EYS: variants seen among roughly 807,000 people sequenced by gnomAD.
The protein encoded by EYS is EGF-like photoreceptor maintenance factor.
A neutral mutation model predicts 282.1 loss-of-function variants in EYS; 250 were observed. The ratio of observed to expected loss-of-function variants is 0.89; its 90% CI spans 0.80 to 0.98. EYS has a LOEUF of 0.98. Ranked by LOEUF, EYS falls within the 50% of genes least tolerant of loss-of-function variation. The pLI, the probability that EYS is intolerant of heterozygous loss-of-function variation, is 0.00. For synonymous variants in EYS, 1,355 were observed against 1,282.9 expected (o/e 1.06, Z -1.20); for missense variants, 4,016 against 3,709.0 (o/e 1.08, Z -2.15).
intron 29 of EYS, among the ~76,000 whole-genome samples, chr6:64,384,594 A>G (rs776910993): frequency 1.8e-4 from 27 of 152,146 alleles, no homozygotes; most frequent in Non-Finnish European, 3.2e-4. Flanking sequence ...TAACATCTGC[A>G]TTTACTAGGA....
chr6:64,360,457 C>T (rs1771966726), intron 29 of EYS, among the ~76,000 whole-genome samples: 1 of 151,664 alleles, frequency 6.6e-6, no homozygotes. Flanking sequence ...TCATGACCTA[C>T]CTCTTGGGCT....
chr6:63,737,556 G>A (rs905080203), intron 41 of EYS, among the ~76,000 whole-genome samples: 1 of 151,870 alleles, frequency 6.6e-6, no homozygotes, highest in Non-Finnish European at 1.5e-5. Context: ...TCTCTTTTTT[G>A]GTTGTGTCCC....
chr6:64,439,000 T>A (rs540141122), intron 27 of EYS, among the ~76,000 whole-genome samples, 162 bp downstream of exon 27: 1 of 151,812 alleles, frequency 6.6e-6, no homozygotes, highest in East Asian at 1.9e-4. Flanking sequence ...TGTTGGTTCA[T>A]ATATACATAG....
intron 12 of EYS, among the ~76,000 whole-genome samples, chr6:65,226,685 T>C (rs1163032507): frequency 1.3e-5 from 2 of 152,196 alleles, no homozygotes; most frequent in Non-Finnish European, 1.5e-5. Flanking sequence ...AAGTATGAAA[T>C]AGCGAGACCG....
chr6:65,171,505 T>C (rs922603627), intron 12 of EYS, among the ~76,000 whole-genome samples: 1 of 151,082 alleles, frequency 6.6e-6, no homozygotes, highest in Non-Finnish European at 1.5e-5. Flanking sequence ...GAATTTCAAA[T>C]GTAAGACCCA....
chr6:65,420,588 C>G (rs1767416916), intron 5 of EYS, among the ~76,000 whole-genome samples: 2 of 148,174 alleles, frequency 1.3e-5, no homozygotes, highest in Admixed American at 6.7e-5. Flanking sequence ...TAATGAATCA[C>G]AAATATTCTT....
At chr6:65,504,907 G>A (rs1418885407) in intron 2 of EYS, among the ~76,000 whole-genome samples, 1 of 151,606 alleles carries the variant, frequency 6.6e-6, no homozygotes, top group Non-Finnish European at 1.5e-5. Context: ...TTGGAATTAG[G>A]GTAATGCTAG....
At chr6:65,533,103 T>A (rs1029119057) in intron 2 of EYS, among the ~76,000 whole-genome samples, 1 of 151,734 alleles carries the variant, frequency 6.6e-6, no homozygotes, top group African/African-American at 2.4e-5. Flanking sequence ...TATTTGTGTG[T>A]AATTTATTGC....
intron 7 of EYS, among the ~76,000 whole-genome samples, chr6:65,389,556 G>T (rs1356301356): frequency 6.6e-6 from 1 of 152,114 alleles, no homozygotes; most frequent in Non-Finnish European, 1.5e-5. Flanking sequence ...TTCCAGCTGA[G>T]AATTTGGCTT....
intron 5 of EYS, among the ~76,000 whole-genome samples, chr6:65,422,081 T>C (rs1355011142): frequency 6.6e-6 from 1 of 151,890 alleles, no homozygotes; most frequent in East Asian, 1.9e-4. Context: ...AACTTTCAAT[T>C]TGTAGAAATT....
chr6:65,465,636 A>C (rs1351501859), intron 5 of EYS, among the ~76,000 whole-genome samples: 1 of 152,188 alleles, frequency 6.6e-6, no homozygotes, highest in African/African-American at 2.4e-5. Context: ...CGTTGAGATA[A>C]ATAAATATAT....
intron 22 of EYS, among the ~76,000 whole-genome samples, chr6:64,628,479 G>A (rs143779482): frequency 1.0e-3 from 155 of 152,114 alleles, no homozygotes; most frequent in African/African-American, 3.5e-3. Flanking sequence ...GCAGTGGCCC[G>A]ATTATAGCTC....
intron 22 of EYS, among the ~76,000 whole-genome samples, chr6:64,645,533 C>A (rs903910429): frequency 6.6e-6 from 1 of 152,128 alleles, no homozygotes; most frequent in African/African-American, 2.4e-5. Context: ...TGACATCAGA[C>A]GGCGTGGAGA....
chr6:65,691,617 T>C (rs1562331416), intron 1 of EYS, among the ~76,000 whole-genome samples: 1 of 150,510 alleles, frequency 6.6e-6, no homozygotes, highest in Non-Finnish European at 1.5e-5. Flanking sequence ...TTGGCTTTTG[T>C]TGCCATTGCT....
chr6:64,832,333 T>C (rs1347388734), intron 19 of EYS, among the ~76,000 whole-genome samples: 1 of 151,612 alleles, frequency 6.6e-6, no homozygotes, highest in Non-Finnish European at 1.5e-5. Context: ...GTTTAGTTCC[T>C]AGGTTCTGTT....
intron 30 of EYS, among the ~76,000 whole-genome samples, chr6:64,280,224 A>G (rs1768257112): frequency 6.6e-6 from 1 of 152,192 alleles, no homozygotes; most frequent in South Asian, 2.1e-4. Flanking sequence ...TAAATGTATT[A>G]TCTAGTGTAA....
At chr6:64,354,257 T>C (rs542907176) in intron 29 of EYS, among the ~76,000 whole-genome samples, 2 of 151,756 alleles carry the variant, frequency 1.3e-5, no homozygotes, top group Non-Finnish European at 3.0e-5. Flanking sequence ...ACAATCTTAA[T>C]TTTTTGTTAA....
chr6:64,988,015 A>G (rs1770920857), intron 14 of EYS, among the ~76,000 whole-genome samples: 2 of 151,382 alleles, frequency 1.3e-5, no homozygotes, highest in African/African-American at 4.8e-5. Context: ...CACCAATCCC[A>G]TTGGTCTCTT....
chr6:65,624,007 G>C (rs1766612642), intron 2 of EYS, among the ~76,000 whole-genome samples: 1 of 152,166 alleles, frequency 6.6e-6, no homozygotes, highest in Non-Finnish European at 1.5e-5. Context: ...ATGATAGATG[G>C]ATGGATAGAT....
Sources: allele counts gnomAD v4.1 joint callset (sites outside exome capture counted in the v4.1 genomes callset), GRCh38; gene constraint gnomAD v4.1.1; transcripts MANE v1.5; gene names NCBI Gene and HGNC (gene_info 2026-07-23, HGNC 2026-07-21).